The following GULP1 variants were observed in gnomAD, a reference collection of about 807,000 sequenced individuals.
GULP1 encodes PTB domain-containing engulfment adapter protein 1.
A neutral mutation model predicts 40.9 loss-of-function variants in GULP1; 19 were observed. That is an observed-to-expected ratio of 0.46 (90% CI 0.32 to 0.68). The LOEUF (loss-of-function observed/expected upper bound fraction) is 0.68. GULP1 is among the 30% of genes least tolerant of loss of function. The pLI is 0.03. For synonymous variants in GULP1, 119 were observed against 117.6 expected (o/e 1.01, Z -0.08); for missense variants, 312 against 362.2 (o/e 0.86, Z 1.12).
intron 2 of GULP1, among the ~76,000 whole-genome samples, chr2:188,425,827 C>T (rs893004986): frequency 6.6e-6 from 1 of 152,110 alleles, no homozygotes; most frequent in African/African-American, 2.4e-5. Context: ...GTTTTAACAT[C>T]ACATGAAATA....
At chr2:188,587,213 C>A (rs1217257664) in intron 10 of GULP1, among the ~76,000 whole-genome samples, 2 of 152,022 alleles carry the variant, frequency 1.3e-5, no homozygotes, top group East Asian at 1.9e-4. Context: ...TACTTTAGAA[C>A]ATATGTACAG....
chr2:188,483,559 C>G, intron 4 of GULP1, 67 bp downstream of exon 4: 1 of 607,932 alleles, frequency 1.6e-6, no homozygotes, highest in Non-Finnish European at 2.9e-6. Flanking sequence ...CATGGCTAAT[C>G]TCAGATTGCT....
chr2:188,558,456 C>G (rs962863127), intron 7 of GULP1, among the ~76,000 whole-genome samples: 3 of 152,148 alleles, frequency 2.0e-5, no homozygotes, highest in Non-Finnish European at 4.4e-5. Flanking sequence ...CCAATTAAAC[C>G]TCTTTTTCTT....
intron 2 of GULP1, among the ~76,000 whole-genome samples, chr2:188,459,983 T>C (rs1012213152): frequency 6.6e-6 from 1 of 152,186 alleles, no homozygotes; most frequent in African/African-American, 2.4e-5. Context: ...GAATTCTCTA[T>C]TGTGTTTCAT....
At chr2:188,447,844 C>T (rs2058522669) in intron 2 of GULP1, among the ~76,000 whole-genome samples, 1 of 152,154 alleles carries the variant, frequency 6.6e-6, no homozygotes, top group African/African-American at 2.4e-5. Context: ...TACTCACAAC[C>T]TGCATGATGC....
At chr2:188,467,366 A>AT (rs2060212833) in intron 2 of GULP1, among the ~76,000 whole-genome samples, 1 of 151,968 alleles carries the variant, frequency 6.6e-6, no homozygotes, top group Non-Finnish European at 1.5e-5. Context: ...ACAGTTTGAG[A>AT]TTTTTCATAA....
intron 2 of GULP1, among the ~76,000 whole-genome samples, chr2:188,426,490 C>T (rs1255578420): frequency 2.0e-5 from 3 of 152,090 alleles, no homozygotes; most frequent in African/African-American, 7.2e-5. Flanking sequence ...CAGATTCCCC[C>T]ATAAGAGACA....
intron 1 of GULP1, among the ~76,000 whole-genome samples, chr2:188,343,524 C>T (rs1317282640): frequency 2.0e-5 from 3 of 152,004 alleles, no homozygotes; most frequent in African/African-American, 4.8e-5. Context: ...ATCCTTAAAG[C>T]GAATTACAAA....
chr2:188,398,203 A>G (rs897144249), intron 2 of GULP1, among the ~76,000 whole-genome samples: 12 of 152,210 alleles, frequency 7.9e-5, no homozygotes, highest in African/African-American at 2.2e-4. Context: ...CAAAATTTCT[A>G]CTACAGCCCG....
chr2:188,356,674 A>G (rs1456868923), intron 1 of GULP1, among the ~76,000 whole-genome samples: 1 of 152,160 alleles, frequency 6.6e-6, no homozygotes, highest in African/African-American at 2.4e-5. Context: ...CATCACAGAA[A>G]TAGAAAAAAC....
chr2:188,364,737 T>C lies in GULP1; in HGVS notation c.-171-19026T>C, dbSNP rs1363664559. On this transcript the variant is annotated intron_variant, in intron 1 of 11. Coordinates refer to ENST00000409830, the MANE Select transcript of GULP1 (RefSeq NM_016315.4). ...TGTGTATGTATATATCATATACATA[T>C]CTATATATATGATACATATACATAT... Among the ~76,000 whole-genome samples, 4 of 150,520 alleles carry C rather than the reference T, an allele frequency of 2.7e-5. No homozygotes were observed. The Admixed American group carries it at 2.7e-4, about 10-fold the overall frequency.
chr2:188,451,382 G>A (rs2058822054), intron 2 of GULP1, among the ~76,000 whole-genome samples: 1 of 152,126 alleles, frequency 6.6e-6, no homozygotes, highest in Non-Finnish European at 1.5e-5. Context: ...AAAAAGTAAA[G>A]CATTGGAAAC....
chr2:188,329,215 T>G (rs966255860), intron 1 of GULP1, among the ~76,000 whole-genome samples: 1 of 152,052 alleles, frequency 6.6e-6, no homozygotes, highest in African/African-American at 2.4e-5. Flanking sequence ...AATAGCACTA[T>G]TATTACCATG....
chr2:188,483,189 G>A (rs1436231179), intron 3 of GULP1, among the ~76,000 whole-genome samples: 1 of 151,848 alleles, frequency 6.6e-6, no homozygotes, highest in Non-Finnish European at 1.5e-5. Flanking sequence ...TTAAAATTTG[G>A]TATCATTTTT....
At chr2:188,347,327 C>T (rs1049978272) in intron 1 of GULP1, among the ~76,000 whole-genome samples, 2 of 152,120 alleles carry the variant, frequency 1.3e-5, no homozygotes, top group African/African-American at 2.4e-5. Flanking sequence ...ATGGACCCAA[C>T]AGCACTCTGA....
At chr2:188,344,519 A>G (rs1384140867) in intron 1 of GULP1, among the ~76,000 whole-genome samples, 2 of 152,254 alleles carry the variant, frequency 1.3e-5, no homozygotes, top group African/African-American at 4.8e-5. Flanking sequence ...TTTAAGGACA[A>G]GATAGTAGAG....
chr2:188,407,734 G>A (rs1421699212), intron 2 of GULP1, among the ~76,000 whole-genome samples: 2 of 151,958 alleles, frequency 1.3e-5, no homozygotes, highest in South Asian at 2.1e-4. Flanking sequence ...AAGGAACAAA[G>A]GATGTACAAA....
At chr2:188,473,612 G>A (rs912846365) in intron 2 of GULP1, among the ~76,000 whole-genome samples, 3 of 152,150 alleles carry the variant, frequency 2.0e-5, no homozygotes, top group Non-Finnish European at 2.9e-5. Flanking sequence ...CTTAAGGTCC[G>A]TGGGCTCTTT....
At chr2:188,586,866 C>T (rs1175042405) in intron 10 of GULP1, among the ~76,000 whole-genome samples, 5 of 151,728 alleles carry the variant, frequency 3.3e-5, no homozygotes, top group African/African-American at 1.2e-4. Context: ...AATATTATTT[C>T]TTTTTTAATT....
Sources: gnomAD v4.1 joint callset for allele counts (sites outside exome capture counted in the v4.1 genomes callset) on GRCh38, gnomAD v4.1.1 for gene constraint, MANE v1.5 for transcripts, NCBI Gene and HGNC (gene_info 2026-07-23, HGNC 2026-07-21) for gene names.